Variants in MPPED1 observed in about 807,000 individuals in gnomAD.
The protein encoded by MPPED1 is metallophosphoesterase domain containing 1, also known as metallophosphoesterase domain-containing protein 1.
MPPED1 carries 16 observed loss-of-function variants against 36.2 expected under a neutral mutation model. That is an observed-to-expected ratio of 0.44 (90% CI 0.30 to 0.67). The LOEUF is 0.67. MPPED1 is among the 30% of genes least tolerant of loss of function. The pLI, the probability that MPPED1 is intolerant of heterozygous loss-of-function variation, is 0.10. For missense variants in MPPED1, 307 were observed against 453.4 expected, an observed-to-expected ratio of 0.68 and a Z score of 2.93; for synonymous variants, 199 against 191.3, an observed-to-expected ratio of 1.04 and a Z score of -0.33.
intron 3 of MPPED1, among the ~76,000 whole-genome samples, chr22:43,445,912 C>G (rs1173808608): frequency 8.5e-6 from 1 of 117,934 alleles, no homozygotes; most frequent in Non-Finnish European, 1.6e-5. Flanking sequence ...AGACAGGGTC[C>G]TAGGCTGGAG....
intron 4 of MPPED1, among the ~76,000 whole-genome samples, chr22:43,497,384 G>A (rs1196415298): frequency 6.6e-6 from 1 of 152,010 alleles, no homozygotes; most frequent in African/African-American, 2.4e-5. Flanking sequence ...CTGAGGTAGG[G>A]TGGGTGTCTG....
intron 3 of MPPED1, among the ~76,000 whole-genome samples, chr22:43,438,031 A>G (rs1408373589): frequency 2.0e-5 from 3 of 152,166 alleles, no homozygotes; most frequent in African/African-American, 4.8e-5. Flanking sequence ...CCGTCATCCT[A>G]TTGCTGAGCC....
intron 4 of MPPED1, among the ~76,000 whole-genome samples, chr22:43,493,327 T>C (rs1325572373): frequency 2.0e-5 from 3 of 152,222 alleles, no homozygotes; most frequent in Non-Finnish European, 4.4e-5. Context: ...ATTGGGCACC[T>C]GCCAACAGGG....
chr22:43,500,569 G>A (rs1458474910), intron 5 of MPPED1, among the ~76,000 whole-genome samples: 1 of 151,848 alleles, frequency 6.6e-6, no homozygotes. Flanking sequence ...GTGACCCTCT[G>A]TGGTTCCCTC....
intron 3 of MPPED1, among the ~76,000 whole-genome samples, chr22:43,469,388 G>C (rs530511568): frequency 1.1e-4 from 14 of 123,116 alleles, no homozygotes; most frequent in Non-Finnish European, 2.3e-4. Flanking sequence ...CTCATTCACT[G>C]TTTAGATGGA....
intron 3 of MPPED1, among the ~76,000 whole-genome samples, chr22:43,463,324 A>AT (rs1482896905): frequency 0.046 from 6,014 of 129,378 alleles, 440 homozygotes; most frequent in African/African-American, 0.16. Flanking sequence ...TGGGCTTATG[A>AT]TTTTTTCTTT....
intron 1 of MPPED1, among the ~76,000 whole-genome samples, chr22:43,419,742 G>A (rs920957627): frequency 6.1e-4 from 93 of 151,718 alleles, no homozygotes; most frequent in South Asian, 4.2e-4. Flanking sequence ...GTTTGGGGGT[G>A]GGGGGTGGTC....
chr22:43,449,438 CT>C (rs1210641774), intron 3 of MPPED1, among the ~76,000 whole-genome samples: 1 of 146,992 alleles, frequency 6.8e-6, no homozygotes, highest in Admixed American at 6.7e-5. Context: ...CCCGCCCCCC[CT>C]CCAAGTAGGC....
At chr22:43,464,220 GT>G (rs1399467751) in intron 3 of MPPED1, among the ~76,000 whole-genome samples, 1 of 151,702 alleles carries the variant, frequency 6.6e-6, no homozygotes. Flanking sequence ...TCACTGTGGG[GT>G]TTTTCTCAGA....
chr22:43,500,229 G>A (rs377275567), intron 5 of MPPED1, among the ~76,000 whole-genome samples: 6,721 of 17,078 alleles, frequency 0.39, 1,273 homozygotes, highest in African/African-American at 0.7. Context: ...GATGGTGGAG[G>A]TGGTGATGGA....
At chr22:43,454,267 C>T (rs1377352639) in intron 3 of MPPED1, among the ~76,000 whole-genome samples, 1 of 151,806 alleles carries the variant, frequency 6.6e-6, no homozygotes, top group African/African-American at 2.4e-5. Flanking sequence ...CCTTGGCCTC[C>T]CAAAGTACTG....
At chr22:43,423,305 C>A (rs879659454) in intron 1 of MPPED1, among the ~76,000 whole-genome samples, 16 of 152,206 alleles carry the variant, frequency 1.1e-4, no homozygotes, top group Admixed American at 1.3e-4. Flanking sequence ...GCCCTGAGCC[C>A]TTTCCCAGGC....
At chr22:43,462,918 C>T (rs1426686495) in intron 3 of MPPED1, among the ~76,000 whole-genome samples, 1 of 152,184 alleles carries the variant, frequency 6.6e-6, no homozygotes, top group Non-Finnish European at 1.5e-5. Flanking sequence ...AGCACACCCT[C>T]CAGTAGCTTT....
rs2146834318 is a variant in MPPED1 at position 43,435,165 on chromosome 22, T to C, written c.356T>C (p.Phe119Ser). The change falls in exon 3 of 7, where the codon TTC becomes TCC. Residue 119 changes from phenylalanine (F) to serine (S), a missense_variant. Around this residue, in one of 3 missense-constraint regions of MPPED1, gnomAD observed 169 missense variants for 212.3 expected, o/e 0.80. Transcript: ENST00000443721. ...YGDVLIHAGD[F>S]TELGLPSEVK... Reference sequence around the variant, plus strand: ...GACGTGCTGATCCACGCTGGGGACTTCACTGAGCTGGGGCTCCCGAGCGAG... The same window carrying C: ...GACGTGCTGATCCACGCTGGGGACTCCACTGAGCTGGGGCTCCCGAGCGAG... The C allele has an allele frequency of 1.2e-6, 2 of 1,613,208 alleles. 1 individual carries two copies. Among genetic ancestry groups the C allele is most frequent in the South Asian group, 2.2e-5 (2 of 91,084 alleles).
intron 4 of MPPED1, among the ~76,000 whole-genome samples, chr22:43,496,017 A>G (rs1299947112): frequency 2.3e-5 from 1 of 42,604 alleles, no homozygotes; most frequent in Non-Finnish European, 4.8e-5. Flanking sequence ...GTGGTGGTGG[A>G]GGTGGTGATG....
At chr22:43,434,665 C>A (rs1230703240) in intron 2 of MPPED1, among the ~76,000 whole-genome samples, 1 of 152,238 alleles carries the variant, frequency 6.6e-6, no homozygotes, top group Non-Finnish European at 1.5e-5. Flanking sequence ...TTGAAGAGGC[C>A]ACTCTGGCGG....
At chr22:43,438,464 A>G (rs1930039463) in intron 3 of MPPED1, among the ~76,000 whole-genome samples, 1 of 152,114 alleles carries the variant, frequency 6.6e-6, no homozygotes, top group Non-Finnish European at 1.5e-5. Context: ...TGGGCCTCGG[A>G]CAAGAGTGTG....
intron 4 of MPPED1, among the ~76,000 whole-genome samples, chr22:43,495,511 G>A (rs1197336860): frequency 3.6e-5 from 5 of 139,782 alleles, no homozygotes; most frequent in African/African-American, 5.2e-5. Context: ...TGGAGGTGGT[G>A]GTGGTGGTGG....
At chr22:43,455,048 G>T (rs1376277904) in intron 3 of MPPED1, among the ~76,000 whole-genome samples, 2 of 151,826 alleles carry the variant, frequency 1.3e-5, no homozygotes, top group Non-Finnish European at 2.9e-5. Context: ...CTCTCTCCTT[G>T]GCTTGCAGAT....
Sources: gnomAD v4.1 joint callset for allele counts (sites outside exome capture counted in the v4.1 genomes callset) on GRCh38, gnomAD v4.1.1 for gene constraint, gnomAD v4.1.1 regional missense constraint, MANE v1.5 for transcripts, NCBI Gene and HGNC (gene_info 2026-07-23, HGNC 2026-07-21) for gene names.